The following RSPH4A variants were observed in gnomAD, a reference collection of about 807,000 sequenced individuals.
RSPH4A encodes radial spoke head component 4A.
RSPH4A carries 47 observed loss-of-function variants against 71.0 expected under a neutral mutation model. That is an observed-to-expected ratio of 0.66 (90% CI 0.52 to 0.84). The LOEUF (loss-of-function observed/expected upper bound fraction) is 0.84, where lower values mean the gene tolerates loss of function less well. Among genes scored for constraint, RSPH4A ranks in the 40% least tolerant of loss-of-function variants. The pLI, the probability that RSPH4A is intolerant of heterozygous loss-of-function variation, is 0.00. For synonymous variants in RSPH4A, 282 were observed against 302.3 expected (o/e 0.93, Z 0.70); for missense variants, 793 against 855.2 (o/e 0.93, Z 0.91).
At chr6:116,630,287 T>C (rs1253053257) in intron 4 of RSPH4A, 148 bp from the exon 5 acceptor site, 1 of 711,120 alleles carries the variant, frequency 1.4e-6, no homozygotes, top group Non-Finnish European at 2.6e-6. Flanking sequence ...TTTTGTTAAG[T>C]TGCTGCTGTT....
intron 2 of RSPH4A, among the ~76,000 whole-genome samples, chr6:116,623,587 T>C (rs1775648510): frequency 6.6e-6 from 1 of 152,216 alleles, no homozygotes; most frequent in Non-Finnish European, 1.5e-5. Flanking sequence ...AAAGGATTTC[T>C]TCACATTTTA....
rs367712020 is a variant in RSPH4A at position 116,627,768 on chromosome 6, G to A, written c.1061G>A (p.Arg354His). Residue 354 changes from arginine to histidine, a missense_variant, in exon 3 of 6, where the codon CGC (arginine) becomes CAC (histidine). Coordinates refer to ENST00000229554, the MANE Select transcript of RSPH4A (RefSeq NM_001010892.3). ...LTDTHPIQRCRFWGKILGLEM... is the reference protein window; with the variant it reads ...LTDTHPIQRCHFWGKILGLEM... ...GATACCCACCCAATCCAAAGATGCC[G>A]CTTCTGGGGAAAGATCTTGGGTCTG... 48 of 1,614,014 alleles carry A rather than the reference G, an allele frequency of 3.0e-5. No individual in the cohort carries two copies. Among genetic ancestry groups the A allele is most frequent in the Non-Finnish European group, 3.5e-5 (41 of 1,180,026 alleles).
At position 116,629,318 on chromosome 6, in the gene RSPH4A, ATAAG is replaced by A. The variant is rs574595802; in HGVS notation, c.1663-247_1663-244del. On this transcript the variant is annotated intron_variant, in intron 3 of 5. Coordinates refer to ENST00000229554, the MANE Select transcript of RSPH4A (RefSeq NM_001010892.3). ...ACTAAGGTTCTGCTAATTTTAAAAT[ATAAG>A]TGATAATTTAAAAATACACATTCTG... Among the ~76,000 whole-genome samples, 5 of 152,368 alleles carry A rather than the reference ATAAG, an allele frequency of 3.3e-5. No individual in the cohort carries two copies. The South Asian group carries it at 1.0e-3, about 32-fold the overall frequency.
chr6:116,630,870 T>C (rs573708941), intron 5 of RSPH4A, among the ~76,000 whole-genome samples: 61 of 144,888 alleles, frequency 4.2e-4, no homozygotes, highest in Middle Eastern at 3.4e-3. Context: ...TTTTTTTTTT[T>C]AGTAGAGACA....
intron 2 of RSPH4A, among the ~76,000 whole-genome samples, chr6:116,623,840 T>C (rs780910580): frequency 6.6e-6 from 1 of 152,162 alleles, no homozygotes; most frequent in Non-Finnish European, 1.5e-5. Flanking sequence ...AGGAGTAAAA[T>C]ACTTTTTAAA....
chr6:116,628,815 A>G (rs1265601040), intron 3 of RSPH4A, among the ~76,000 whole-genome samples: 2 of 152,194 alleles, frequency 1.3e-5, no homozygotes, highest in East Asian at 3.8e-4. Flanking sequence ...GCAAGGAAAC[A>G]GTGCTGTATA....
At chr6:116,628,397 C>T in intron 3 of RSPH4A, 28 bp downstream of exon 3, 1 of 1,550,172 alleles carries the variant, frequency 6.5e-7, no homozygotes, top group South Asian at 1.1e-5. Context: ...CTCAATCTAT[C>T]AGGTAATTAG....
At chr6:116,623,153 C>T (rs1775640115) in intron 2 of RSPH4A, 151 bp downstream of exon 2, 1 of 639,828 alleles carries the variant, frequency 1.6e-6, no homozygotes. Flanking sequence ...GCTTGGAGTA[C>T]AATGGCGTGA....
chr6:116,628,029 GGGTGAA>G lies in RSPH4A; in HGVS notation c.1324_1329del (p.Val442_Lys443del). 1 of 1,614,170 alleles carries G rather than the reference GGGTGAA, an allele frequency of 6.2e-7. No individual in the cohort carries two copies. Among genetic ancestry groups the G allele is most frequent in the East Asian group, 2.2e-5 (1 of 44,884 alleles). On this transcript the variant is annotated inframe_deletion, in exon 3 of 6. Coordinates refer to ENST00000229554, the MANE Select transcript of RSPH4A (RefSeq NM_001010892.3). ...GTTTGCAATGAACCAGGAAGACCAT[GGGTGAA>G]GTTACCACCAGTTATACCTGCACAA...
intron 2 of RSPH4A, among the ~76,000 whole-genome samples, chr6:116,626,353 TTTTC>T (rs986175554): frequency 2.6e-5 from 4 of 152,142 alleles, no homozygotes; most frequent in African/African-American, 9.7e-5. Flanking sequence ...CTTTTTTTCT[TTTTC>T]TTTTTCTTTT....
intron 3 of RSPH4A, 130 bp from the exon 4 acceptor site, chr6:116,629,437 T>C: frequency 2.0e-6 from 2 of 987,948 alleles, no homozygotes; most frequent in South Asian, 1.4e-5. Flanking sequence ...GGAAAATGTA[T>C]GTAGAATGAA....
rs765412618 is a variant in RSPH4A, at chr6:116,632,425, A to G, written c.2135A>G (p.Glu712Gly). 41 of 1,613,118 alleles carry G rather than the reference A, an allele frequency of 2.5e-5. No homozygotes were observed. The Admixed American group carries it at 6.8e-4, about 27-fold the overall frequency. Residue 712 changes from glutamate (E) to glycine (G), a missense_variant, in exon 6 of 6, where the codon GAA (glutamate) becomes GGA (glycine). Glu to Gly is a moderately conservative substitution (Grantham distance 98, BLOSUM62 -2). Coordinates refer to ENST00000229554, the MANE Select transcript of RSPH4A (RefSeq NM_001010892.3). The part of the protein sequence containing the change: ...NEESEEDEDE[E>G]DDYD ...GAATCTGAGGAAGATGAAGATGAGG[A>G]AGATGATTATGACTAATAAACATAA...
chr6:116,630,653 G>A (rs56131422), intron 5 of RSPH4A, 101 bp downstream of exon 5: 2 of 389,574 alleles, frequency 5.1e-6, no homozygotes, highest in Admixed American at 8.4e-5. Flanking sequence ...TGTTTCTTTG[G>A]TTTTTTTTTT....
At chr6:116,626,983 A>C (rs1308869747) in intron 2 of RSPH4A, among the ~76,000 whole-genome samples, 6 of 152,172 alleles carry the variant, frequency 3.9e-5, no homozygotes, top group African/African-American at 1.4e-4. Context: ...TAGTTATTCT[A>C]CATCTTCTTT....
In RSPH4A at chr6:116,616,699, G is replaced by A. The variant is rs1435825996; in HGVS notation, c.76G>A (p.Gly26Arg). Residue 26 changes from glycine to arginine, a missense_variant, in exon 1 of 6, where the codon GGA becomes AGA. Gly to Arg is a moderately radical substitution (Grantham distance 125, BLOSUM62 -2). Transcript: ENST00000229554. ...AGGGGAAACAAGGCGGCCATGGGAA[G>A]GAAAGACAGCAGCTTCTCCCCAATA... Reference protein sequence around the residue: ...ELGETRRPWEGKTAASPQYSE... With the variant: ...ELGETRRPWERKTAASPQYSE... 1.9e-6 allele frequency: 3 copies of A among 1,614,188 alleles called. No homozygotes were observed. The highest frequency in any genetic ancestry group is 1.7e-5 in the Admixed American group (1 of 60,018).
At chr6:116,631,075 AC>A (rs1775797614) in intron 5 of RSPH4A, among the ~76,000 whole-genome samples, 2 of 152,028 alleles carry the variant, frequency 1.3e-5, no homozygotes, top group African/African-American at 4.8e-5. Context: ...ACACAATAAA[AC>A]ATCAAATTCA....
rs1490552419 is a variant in RSPH4A, at chr6:116,627,710, T to C, written c.1003T>C (p.Tyr335His). 1.2e-6 allele frequency: 2 copies of C among 1,614,056 alleles called. No homozygotes were observed. The highest frequency in any genetic ancestry group is 2.7e-5 in the African/African-American group (2 of 74,924). Residue 335 changes from tyrosine (Y) to histidine (H), a missense_variant, in exon 3 of 6, where the codon TAC (tyrosine) becomes CAC (histidine). Coordinates refer to ENST00000229554, the MANE Select transcript of RSPH4A (RefSeq NM_001010892.3). ...AGVGLGTDET[Y>H]RIFLALKQLT... ...AGTTGGTTTGGGCACAGATGAGACATACCGCATATTTCTTGCCCTCAAGCA... is the reference window on the plus strand; with the variant it reads ...AGTTGGTTTGGGCACAGATGAGACACACCGCATATTTCTTGCCCTCAAGCA...
chr6:116,619,198 A>C (rs1775560446), intron 1 of RSPH4A, among the ~76,000 whole-genome samples: 1 of 152,106 alleles, frequency 6.6e-6, no homozygotes, highest in East Asian at 1.9e-4. Flanking sequence ...GTGACTGTGT[A>C]GAAAAGGGGT....
At position 116,616,732 on chromosome 6, in the gene RSPH4A, C is replaced by A; in HGVS notation, c.109C>A (p.Pro37Thr). 1 of 1,613,720 alleles carries A rather than the reference C, an allele frequency of 6.2e-7. No homozygotes were observed. Among genetic ancestry groups the A allele is most frequent in the Non-Finnish European group, 8.5e-7 (1 of 1,179,612 alleles). ...AGCAGCTTCTCCCCAATATTCTGAG[C>A]CTGAGTCGTCTGAGCCCTTGGAGGC... ...KTAASPQYSE[P>T]ESSEPLEAKQ... The change falls in exon 1 of 6, where the codon CCT becomes ACT. Residue 37 changes from proline to threonine, a missense_variant. Physicochemically the swap from Pro to Thr is conservative, Grantham distance 38 (BLOSUM62 -1). Coordinates refer to ENST00000229554, the MANE Select transcript of RSPH4A (RefSeq NM_001010892.3).
Sources: allele counts gnomAD v4.1 joint callset (sites outside exome capture counted in the v4.1 genomes callset), GRCh38; gene constraint gnomAD v4.1.1; transcripts MANE v1.5; gene names NCBI Gene and HGNC (gene_info 2026-07-23, HGNC 2026-07-21).